FLT1: variants seen among roughly 807,000 people sequenced by gnomAD.
The protein encoded by FLT1 is vascular endothelial growth factor receptor 1.
In FLT1, 49 loss-of-function variants were observed where a neutral mutation model predicts 156.3. The observed-to-expected ratio is 0.31, with a 90% CI of 0.25 to 0.40. The LOEUF (loss-of-function observed/expected upper bound fraction) is 0.40. FLT1 is among the 10% of genes least tolerant of loss of function. The pLI is 1.00. For synonymous variants in FLT1, 594 were observed against 583.8 expected (o/e 1.02, Z -0.25); for missense variants, 1,322 against 1,637.2 (o/e 0.81, Z 3.32).
intron 14 of FLT1, chr13:28,368,695 A>G: frequency 1.5e-6 from 1 of 653,054 alleles, no homozygotes. Context: ...ATATCTTTAG[A>G]TTGGCAGCTT....
At chr13:28,448,382 T>G (rs2137580603) in intron 3 of FLT1, among the ~76,000 whole-genome samples, 1 of 152,318 alleles carries the variant, frequency 6.6e-6, no homozygotes, top group East Asian at 1.9e-4. Context: ...GATTGATGGA[T>G]AGCTAAAATG....
At chr13:28,371,452 G>A (rs1238993401) in intron 14 of FLT1, among the ~76,000 whole-genome samples, 6 of 152,060 alleles carry the variant, frequency 3.9e-5, no homozygotes, top group Non-Finnish European at 8.8e-5. Flanking sequence ...TGTCCCGCAC[G>A]CATCTCCACG....
At chr13:28,385,430 T>C (rs937657550) in intron 13 of FLT1, 7 of 685,898 alleles carry the variant, frequency 1.0e-5, no homozygotes, top group Non-Finnish European at 1.3e-5. Flanking sequence ...TATATAGTGC[T>C]GTAGTGATAG....
chr13:28,426,377 G>C (rs1192265321), intron 10 of FLT1, among the ~76,000 whole-genome samples: 1 of 152,114 alleles, frequency 6.6e-6, no homozygotes, highest in East Asian at 1.9e-4. Flanking sequence ...CAGGATGCAA[G>C]GAAATGCTGC....
intron 14 of FLT1, among the ~76,000 whole-genome samples, chr13:28,372,048 G>GTATATATATATA (rs1169072431): frequency 2.6e-5 from 2 of 75,582 alleles, no homozygotes; most frequent in African/African-American, 1.3e-4. Flanking sequence ...GTGTGTGTGT[G>GTATATATATATA]TATATATATA....
At chr13:28,462,625 A>G (rs1879644543) in intron 3 of FLT1, among the ~76,000 whole-genome samples, 1 of 152,228 alleles carries the variant, frequency 6.6e-6, no homozygotes, top group African/African-American at 2.4e-5. Context: ...AGAGAGAATG[A>G]TGATAATGAT....
At chr13:28,472,784 A>T (rs948481805) in intron 1 of FLT1, among the ~76,000 whole-genome samples, 2 of 152,312 alleles carry the variant, frequency 1.3e-5, no homozygotes, top group East Asian at 3.9e-4. Flanking sequence ...ATCTGTCAAC[A>T]CAGGAGATTA....
In FLT1 at chr13:28,387,231, C is replaced by T. The variant is rs990304708; in HGVS notation, c.1970-2200G>A. 2.0e-5 allele frequency: 21 copies of T among 1,038,874 alleles called. No homozygotes were observed. The African/African-American group carries it at 2.7e-4, about 13-fold the overall frequency. The allele number at this position is 1,038,874 out of a possible 1,614,324, so 64.4% of individuals were successfully genotyped here. A position where few individuals can be genotyped will look rare whatever the true frequency, so the allele number is the denominator to read the frequency against. On this transcript the variant is annotated intron_variant, in intron 13 of 29. Transcript: ENST00000282397. ...GTTCACATAAACACTCTGAAATATA[C>T]AGTAATATGCATTTTTCTTTGTACC...
chr13:28,423,593 C>T (rs1482701198), intron 10 of FLT1, among the ~76,000 whole-genome samples: 1 of 152,228 alleles, frequency 6.6e-6, no homozygotes, highest in Non-Finnish European at 1.5e-5. Context: ...TACCCCAATG[C>T]TAGCAATGAT....
At chr13:28,473,601 C>G (rs558106932) in intron 1 of FLT1, among the ~76,000 whole-genome samples, 1 of 147,924 alleles carries the variant, frequency 6.8e-6, no homozygotes, top group South Asian at 2.1e-4. Context: ...GCCAAGACTG[C>G]GCAATTGCAC....
chr13:28,410,326 G>A lies in FLT1; in HGVS notation c.1437-4432C>T, dbSNP rs534637539. 4.6e-5 allele frequency among the ~76,000 whole-genome samples: 7 copies of A among 152,294 alleles called. No individual in the cohort carries two copies. The East Asian group carries it at 1.4e-3, about 29-fold the overall frequency. ...GCGTTAGCTACTGATAGTAAGTATT[G>A]TGTTTTCTTTGAAGTGGTTCTCTTG... On this transcript the variant is annotated intron_variant, in intron 10 of 29. Transcript: ENST00000282397.
intron 23 of FLT1, among the ~76,000 whole-genome samples, chr13:28,320,730 G>T (rs1464271385): frequency 6.6e-6 from 1 of 152,210 alleles, no homozygotes; most frequent in East Asian, 1.9e-4. Flanking sequence ...GAAACTCTGG[G>T]GGGTGGAAGG....
At position 28,311,758 on chromosome 13, in the gene FLT1, G is replaced by A. The variant is rs148817356; in HGVS notation, c.3493-26C>T. The A allele has an allele frequency of 1.7e-4, 271 of 1,612,786 alleles. No individual in the cohort carries two copies. The East Asian group carries it at 4.3e-3, about 26-fold the overall frequency. ...CTAAAATACCAAAGGTAGAGCTCTC[G>A]TTGCACCAATTCTGACTTCAACAAT... On this transcript the variant is annotated intron_variant, in intron 26 of 29. Transcript: ENST00000282397.
intron 14 of FLT1, among the ~76,000 whole-genome samples, chr13:28,367,471 C>T (rs1182336409): frequency 6.6e-6 from 1 of 152,162 alleles, no homozygotes; most frequent in Non-Finnish European, 1.5e-5. Flanking sequence ...AGATGTCCAA[C>T]TGTCAATTTT....
chr13:28,410,844 T>A lies in FLT1; in HGVS notation c.1437-4950A>T, dbSNP rs139174963. Among the ~76,000 whole-genome samples the A allele has an allele frequency of 2.6e-3, 402 of 152,294 alleles. 2 individuals carry two copies. Among genetic ancestry groups the A allele is most frequent in the African/African-American group, 9.2e-3 (382 of 41,538 alleles). ...AGAAAAATCAAATGCTTTGCTCAAG[T>A]TCACAGGGAAAGGAGCAGAATTAGG... On this transcript the variant is annotated intron_variant, in intron 10 of 29. Coordinates refer to ENST00000282397, the MANE Select transcript of FLT1 (RefSeq NM_002019.4).
chr13:28,467,089 T>A lies in FLT1; in HGVS notation c.202A>T (p.Ser68Cys), dbSNP rs1291739172. The change falls in exon 3 of 30, where the codon AGT becomes TGT. Residue 68 changes from serine to cysteine, a missense_variant. Around this residue, in one of 3 missense-constraint regions of FLT1, gnomAD observed 991 missense variants for 1,254.8 expected, o/e 0.79. Coordinates refer to ENST00000282397, the MANE Select transcript of FLT1 (RefSeq NM_002019.4). Reference sequence around the variant, plus strand: ...ATGCTCAGCCTTTCGCTTTCCTTACTCACCATTTCAGGCAAAGACCATTTA... The same window carrying A: ...ATGCTCAGCCTTTCGCTTTCCTTACACACCATTTCAGGCAAAGACCATTTA... ...AHKWSLPEMV[S>C]KESERLSITK... 1 of 1,614,088 alleles carries A rather than the reference T, an allele frequency of 6.2e-7. No homozygotes were observed. Among genetic ancestry groups the A allele is most frequent in the Admixed American group, 1.7e-5 (1 of 60,018 alleles).
intron 14 of FLT1, among the ~76,000 whole-genome samples, chr13:28,381,587 C>CA (rs549996580): frequency 1.2e-3 from 189 of 152,052 alleles, no homozygotes; most frequent in African/African-American, 4.2e-3. Flanking sequence ...AAAACAAAAA[C>CA]AAAAAAACTT....
At chr13:28,395,142 C>T (rs772431462) in intron 12 of FLT1, among the ~76,000 whole-genome samples, 4 of 152,192 alleles carry the variant, frequency 2.6e-5, no homozygotes, top group Non-Finnish European at 5.9e-5. Flanking sequence ...CCTGACCTCT[C>T]AGGTCATCAT....
At chr13:28,474,210 T>A (rs972248249) in intron 1 of FLT1, among the ~76,000 whole-genome samples, 1 of 151,984 alleles carries the variant, frequency 6.6e-6, no homozygotes, top group Non-Finnish European at 1.5e-5. Context: ...AATCCCAGCA[T>A]TTTAGGAGGC....
Sources: gnomAD v4.1 joint callset for allele counts (sites outside exome capture counted in the v4.1 genomes callset) on GRCh38, gnomAD v4.1.1 for gene constraint, gnomAD v4.1.1 regional missense constraint, MANE v1.5 for transcripts, NCBI Gene and HGNC (gene_info 2026-07-23, HGNC 2026-07-21) for gene names.